VPS41: variants seen among roughly 807,000 people sequenced by gnomAD.
The protein encoded by VPS41 is vacuolar protein sorting-associated protein 41 homolog.
VPS41 carries 85 observed loss-of-function variants against 130.9 expected under a neutral mutation model. That is an observed-to-expected ratio of 0.65 (90% CI 0.55 to 0.78). The LOEUF (loss-of-function observed/expected upper bound fraction) is 0.78. VPS41 is among the 30% of genes least tolerant of loss of function. The probability of loss-of-function intolerance (pLI) is 0.00; values close to 1 mark genes in which losing one functional copy is unlikely to be tolerated. For missense variants in VPS41, 874 were observed against 1,018.7 expected (o/e 0.86, Z 1.93); for synonymous variants, 335 against 332.9 (o/e 1.01, Z -0.07).
chr7:38,754,152 A>T (rs977654206), intron 21 of VPS41, among the ~76,000 whole-genome samples: 2 of 152,202 alleles, frequency 1.3e-5, no homozygotes, highest in African/African-American at 4.8e-5. Context: ...AGCACACAAG[A>T]AATATGGAAT....
intron 7 of VPS41, among the ~76,000 whole-genome samples, chr7:38,817,379 A>C (rs2116099466): frequency 6.6e-6 from 1 of 152,310 alleles, no homozygotes; most frequent in South Asian, 2.1e-4. Context: ...CGAGGAGAGC[A>C]GATCACCTGA....
intron 7 of VPS41, among the ~76,000 whole-genome samples, chr7:38,798,052 C>T (rs993297859): frequency 6.6e-6 from 1 of 152,070 alleles, no homozygotes; most frequent in African/African-American, 2.4e-5. Context: ...ACCTTCTAAC[C>T]CACCCTGTCC....
chr7:38,758,471 G>A lies in VPS41; in HGVS notation c.1433C>T (p.Thr478Ile), dbSNP rs946055819. The A allele has an allele frequency of 1.2e-6, 2 of 1,612,306 alleles. No individual in the cohort carries two copies. The highest frequency in any genetic ancestry group is 1.7e-6 in the Non-Finnish European group (2 of 1,179,468). ...ATCTCCAGGCCATTCTCGGATCAAT[G>A]TGGCAAAACCCTAACCAAAGGTGAA... ...FLESDYEGFATLIREWPGDLY... is the reference protein window; with the variant it reads ...FLESDYEGFAILIREWPGDLY... The change falls in exon 18 of 29, where the codon ACA (threonine) becomes ATA (isoleucine). Residue 478 changes from threonine to isoleucine, a missense_variant. Physicochemically the swap from Thr to Ile is moderately conservative, Grantham distance 89. Transcript: ENST00000310301.
chr7:38,812,357 T>C (rs562930930), intron 7 of VPS41, among the ~76,000 whole-genome samples: 26 of 152,220 alleles, frequency 1.7e-4, no homozygotes, highest in South Asian at 6.2e-4. Flanking sequence ...AAGAATAAAT[T>C]TGGACTCCTG....
intron 1 of VPS41, among the ~76,000 whole-genome samples, chr7:38,908,700 C>T (rs554649271): frequency 6.6e-6 from 1 of 152,170 alleles, no homozygotes; most frequent in East Asian, 1.9e-4. Context: ...TGCACCGCAA[C>T]AGTGCTCCAG....
chr7:38,792,167 C>A (rs552959185), intron 9 of VPS41, among the ~76,000 whole-genome samples: 4 of 152,238 alleles, frequency 2.6e-5, no homozygotes, highest in African/African-American at 9.6e-5. Context: ...CTGGGCTCAC[C>A]CAGCACCTGT....
intron 4 of VPS41, among the ~76,000 whole-genome samples, chr7:38,852,457 G>C (rs181157158): frequency 1.3e-5 from 2 of 152,214 alleles, no homozygotes; most frequent in Admixed American, 1.3e-4. Context: ...AAATCTCCTT[G>C]GTTGTGGTCA....
At chr7:38,832,276 T>C (rs2116180573) in intron 4 of VPS41, among the ~76,000 whole-genome samples, 1 of 151,740 alleles carries the variant, frequency 6.6e-6, no homozygotes, top group South Asian at 2.1e-4. Context: ...CTTTATTTCT[T>C]ATATTTAAGT....
intron 10 of VPS41, among the ~76,000 whole-genome samples, chr7:38,781,234 A>T (rs1051128369): frequency 7.2e-5 from 11 of 152,356 alleles, no homozygotes; most frequent in Middle Eastern, 6.8e-3. Flanking sequence ...AAAGTGATTA[A>T]TGAGATATTT....
At chr7:38,879,093 T>G (rs572828973) in intron 2 of VPS41, among the ~76,000 whole-genome samples, 8 of 152,180 alleles carry the variant, frequency 5.3e-5, no homozygotes, top group African/African-American at 1.9e-4. Context: ...AACTCAGCCC[T>G]GAAGACATGC....
chr7:38,748,511 C>T (rs1411126798), intron 22 of VPS41, among the ~76,000 whole-genome samples: 1 of 151,258 alleles, frequency 6.6e-6, no homozygotes, highest in Admixed American at 6.6e-5. Flanking sequence ...CAGCTTTATT[C>T]TTCCGAATTC....
intron 2 of VPS41, among the ~76,000 whole-genome samples, chr7:38,875,415 A>G (rs1292394146): frequency 6.6e-6 from 1 of 152,190 alleles, no homozygotes; most frequent in Middle Eastern, 3.2e-3. Flanking sequence ...AAAGTCTTCA[A>G]TCAGCTTTGT....
intron 4 of VPS41, among the ~76,000 whole-genome samples, chr7:38,844,022 T>C (rs1437136822): frequency 6.6e-6 from 1 of 152,242 alleles, no homozygotes. Flanking sequence ...GTATAAGCAA[T>C]GCTGCTTTCT....
intron 4 of VPS41, among the ~76,000 whole-genome samples, chr7:38,859,705 T>C (rs142886353): frequency 1.1e-4 from 16 of 152,252 alleles, no homozygotes; most frequent in South Asian, 2.1e-4. Flanking sequence ...AATGACAAAA[T>C]TGCCTAACGC....
chr7:38,764,147 AAT>A (rs1296468222), intron 16 of VPS41, among the ~76,000 whole-genome samples: 1 of 152,218 alleles, frequency 6.6e-6, no homozygotes, highest in Non-Finnish European at 1.5e-5. Context: ...ATATGCAGAC[AAT>A]TAAACAGACA....
At chr7:38,802,905 A>G in intron 7 of VPS41, among the ~76,000 whole-genome samples, 1 of 152,228 alleles carries the variant, frequency 6.6e-6, no homozygotes, top group East Asian at 1.9e-4. Context: ...TCACAATACT[A>G]AGAGCAATTT....
intron 2 of VPS41, among the ~76,000 whole-genome samples, chr7:38,877,166 C>T (rs1195192448): frequency 1.3e-5 from 2 of 152,136 alleles, no homozygotes; most frequent in South Asian, 2.1e-4. Flanking sequence ...CTAATAAAGA[C>T]CAGTGAAAAC....
chr7:38,726,453 T>C, intron 28 of VPS41, 127 bp from the exon 29 acceptor site: 1 of 694,500 alleles, frequency 1.4e-6, no homozygotes, highest in South Asian at 1.9e-5. Context: ...CTCCTTTCTC[T>C]GGAGTTTATT....
rs1407410950 is a variant in VPS41, at chr7:38,742,059, G to A, written c.2185C>T (p.Arg729Cys). 3 of 1,613,012 alleles carry A rather than the reference G, an allele frequency of 1.9e-6. No individual in the cohort carries two copies. The highest frequency in any genetic ancestry group is 1.7e-5 in the Admixed American group (1 of 59,818). Residue 729 changes from arginine to cysteine, a missense_variant, in exon 25 of 29, where the codon CGT becomes TGT. By Grantham distance (180) the Arg-to-Cys change is radical (BLOSUM62 -3). Transcript: ENST00000310301. ...THVDPILLIH[R>C]IKEGMEIPNL... ...GGGATCTCCATTCCTTCCTTAATAC[G>A]GTGAATCAGTAGAATTGGGTCAACA...
Sources: allele counts gnomAD v4.1 joint callset (sites outside exome capture counted in the v4.1 genomes callset), GRCh38; gene constraint gnomAD v4.1.1; transcripts MANE v1.5; gene names NCBI Gene and HGNC (gene_info 2026-07-23, HGNC 2026-07-21).